The following TAF3 variants were observed in gnomAD, a reference collection of about 807,000 sequenced individuals.
The protein encoded by TAF3 is transcription initiation factor TFIID subunit 3.
A neutral mutation model predicts 80.6 loss-of-function variants in TAF3; 7 were observed. That is an observed-to-expected ratio of 0.09 (90% CI 0.05 to 0.16). The LOEUF is 0.16. TAF3 is among the 10% of genes least tolerant of loss of function. The pLI is 1.00. For missense variants in TAF3, 921 were observed against 1,140.2 expected (o/e 0.81, Z 2.77); for synonymous variants, 444 against 446.1 (o/e 1.00, Z 0.06).
chr10:7,865,662 T>C (rs1588530829), intron 2 of TAF3, among the ~76,000 whole-genome samples: 1 of 152,294 alleles, frequency 6.6e-6, no homozygotes, highest in East Asian at 1.9e-4. Context: ...AAGTAGCAAC[T>C]AGGTTCATTC....
At chr10:7,830,471 G>GCCTT (rs1836787198) in intron 2 of TAF3, among the ~76,000 whole-genome samples, 1 of 67,270 alleles carries the variant, frequency 1.5e-5, no homozygotes, top group Non-Finnish European at 3.0e-5. Flanking sequence ...CACTTTACAT[G>GCCTT]TCTTTTTTTT....
At chr10:7,857,910 A>ATT (rs140922817) in intron 2 of TAF3, among the ~76,000 whole-genome samples, 62,303 of 138,502 alleles carry the variant, frequency 0.45, 14,473 homozygotes, top group South Asian at 0.62. Flanking sequence ...AACATTTCTG[A>ATT]TTTTTTTTTT....
In TAF3 at chr10:7,992,769, T is replaced by G. The variant is rs538548957; in HGVS notation, c.2315+15446T>G. On this transcript the variant is annotated intron_variant, in intron 4 of 6. Transcript: ENST00000344293. ...CATATTACCAACTTCTAAAAAAGTT[T>G]TTATTAATATTTTCAAACATAAAAG... Among the ~76,000 whole-genome samples the G allele has an allele frequency of 2.0e-5, 3 of 152,314 alleles. No individual in the cohort carries two copies. In the South Asian group the frequency reaches 6.2e-4, roughly 32 times the overall value.
intron 2 of TAF3, among the ~76,000 whole-genome samples, chr10:7,944,512 G>A (rs1426226147): frequency 6.6e-6 from 1 of 152,128 alleles, no homozygotes; most frequent in African/African-American, 2.4e-5. Context: ...CCCAAATGTA[G>A]ATTTGCAACG....
At chr10:7,922,420 C>T (rs553851385) in intron 2 of TAF3, among the ~76,000 whole-genome samples, 1 of 152,158 alleles carries the variant, frequency 6.6e-6, no homozygotes, top group Non-Finnish European at 1.5e-5. Context: ...CCAAGCCTCT[C>T]TTTTCTGTAA....
chr10:7,905,072 A>C (rs1161311189), intron 2 of TAF3, among the ~76,000 whole-genome samples: 1 of 152,132 alleles, frequency 6.6e-6, no homozygotes, highest in Non-Finnish European at 1.5e-5. Flanking sequence ...AAAGGCTCCA[A>C]GTAGTAGGAG....
At position 7,834,099 on chromosome 10, in the gene TAF3, G is replaced by A. The variant is rs142918990; in HGVS notation, c.409+9539G>A. On this transcript the variant is annotated intron_variant, in intron 2 of 6. Transcript: ENST00000344293. The stretch of plus-strand genomic sequence containing the variant: ...GTTGAGTTGCTTACATGTTTTGGGC[G>A]TGAGCCCCTTGTCAGATGTGTGGGT... 636 of 167,220 alleles carry A rather than the reference G, an allele frequency of 3.8e-3. 3 individuals carry two copies. The highest frequency in any genetic ancestry group is 0.014 in the African/African-American group (597 of 41,992). The allele number at this position is 167,220 out of a possible 1,614,324, so 10.4% of individuals were successfully genotyped here.
chr10:7,941,641 G>A (rs369744653), intron 2 of TAF3, among the ~76,000 whole-genome samples: 3 of 152,222 alleles, frequency 2.0e-5, no homozygotes, highest in South Asian at 2.1e-4. Flanking sequence ...CGATGCCTTC[G>A]AGGCTGTGAA....
chr10:7,954,468 A>G (rs1227619391), intron 2 of TAF3, among the ~76,000 whole-genome samples: 4 of 119,878 alleles, frequency 3.3e-5, no homozygotes, highest in African/African-American at 3.0e-5. Context: ...TGAATGAATG[A>G]ATTAGTCCCA....
intron 2 of TAF3, among the ~76,000 whole-genome samples, chr10:7,952,667 TTTACAGG>T (rs1838092704): frequency 6.6e-6 from 1 of 152,230 alleles, no homozygotes; most frequent in Non-Finnish European, 1.5e-5. Context: ...ATAGTACTTT[TTTACAGG>T]TCACTGTGTA....
chr10:8,009,260 C>G lies in TAF3; in HGVS notation c.2498C>G (p.Pro833Arg). The G allele has an allele frequency of 6.4e-7, 1 of 1,550,692 alleles. No individual in the cohort carries two copies. The highest frequency in any genetic ancestry group is 8.7e-7 in the Non-Finnish European group (1 of 1,151,646). Residue 833 changes from proline to arginine, a missense_variant, in exon 5 of 7, where the codon CCC becomes CGC. Pro to Arg is a moderately radical substitution (Grantham distance 103, BLOSUM62 -2). Around this residue, in one of 6 missense-constraint regions of TAF3, gnomAD observed 743 missense variants for 821.0 expected, o/e 0.90. Coordinates refer to ENST00000344293, the MANE Select transcript of TAF3 (RefSeq NM_031923.4). This position sits in a 1 kb window ranked among gnomAD's most constrained non-coding sequence, Gnocchi z 4.1. ...AGPALLPSPG[P>R]AASGASAKAP... ...CCTGCCCTGCTGCCCTCCCCGGGTCCCGCCGCCTCCGGGGCCAGTGCCAAA... is the reference window on the plus strand; with the variant it reads ...CCTGCCCTGCTGCCCTCCCCGGGTCGCGCCGCCTCCGGGGCCAGTGCCAAA...
chr10:7,990,150 A>G (rs1295513824), intron 4 of TAF3, among the ~76,000 whole-genome samples: 1 of 152,204 alleles, frequency 6.6e-6, no homozygotes, highest in East Asian at 1.9e-4. Flanking sequence ...TGTGTGTTAT[A>G]ACCCAACTGA....
intron 2 of TAF3, among the ~76,000 whole-genome samples, chr10:7,852,160 C>T (rs1046240859): frequency 9.1e-4 from 139 of 152,280 alleles, no homozygotes; most frequent in African/African-American, 3.2e-3. Context: ...TCATAGCTCA[C>T]TGCAGCCTCG....
intron 3 of TAF3, among the ~76,000 whole-genome samples, chr10:7,976,032 G>A (rs1186343456): frequency 6.6e-6 from 1 of 152,136 alleles, no homozygotes; most frequent in African/African-American, 2.4e-5. Context: ...ATTTGGAAAT[G>A]CAGAGCTTTT....
intron 3 of TAF3, among the ~76,000 whole-genome samples, chr10:7,972,178 TTTG>T (rs1831628902): frequency 6.6e-6 from 1 of 152,194 alleles, no homozygotes; most frequent in Non-Finnish European, 1.5e-5. Context: ...CATCCTTTTG[TTTG>T]TTGTTTTTGG....
rs1312733564 is a variant in TAF3 at position 8,015,872 on chromosome 10, CA to C, written c.*1127del. 6.7e-6 allele frequency: 1 copy of C among 149,024 alleles called. No homozygotes were observed. 9.2% of individuals were successfully genotyped at this position (149,024 alleles called of 1,614,324 possible). ...CCATGAAAGTAAAAAAAAAAAACAA[CA>C]AAAAACCCACATATACTGTAGCATT... On this transcript the variant is annotated 3_prime_UTR_variant, in exon 7 of 7. Transcript: ENST00000344293.
At chr10:7,844,165 A>G (rs1250857540) in intron 2 of TAF3, among the ~76,000 whole-genome samples, 1 of 152,146 alleles carries the variant, frequency 6.6e-6, no homozygotes, top group Non-Finnish European at 1.5e-5. Flanking sequence ...AAACTTACCT[A>G]AAACAGAATT....
At chr10:8,011,203 A>T (rs1037250995) in intron 5 of TAF3, among the ~76,000 whole-genome samples, 1 of 152,052 alleles carries the variant, frequency 6.6e-6, no homozygotes, top group African/African-American at 2.4e-5. Flanking sequence ...GCTGGGTAGG[A>T]CTCATGGTAT....
chr10:7,962,094 T>C (rs894313138), intron 2 of TAF3, among the ~76,000 whole-genome samples: 63 of 152,148 alleles, frequency 4.1e-4, no homozygotes, highest in African/African-American at 1.4e-3. Flanking sequence ...CAGGTAATCC[T>C]ACTCCCTCGG....
Sources: allele counts gnomAD v4.1 joint callset (sites outside exome capture counted in the v4.1 genomes callset), GRCh38; gene constraint gnomAD v4.1.1; regional missense constraint gnomAD v4.1.1; non-coding constraint Gnocchi (gnomAD v3.1); transcripts MANE v1.5; gene names NCBI Gene and HGNC (gene_info 2026-07-23, HGNC 2026-07-21).